The following HS3ST1 variants were observed in gnomAD, a reference collection of about 807,000 sequenced individuals.
HS3ST1 encodes heparan sulfate glucosamine 3-O-sulfotransferase 1.
A neutral mutation model predicts 20.7 loss-of-function variants in HS3ST1; 8 were observed. The observed-to-expected ratio is 0.39, with a 90% CI of 0.23 to 0.70. The LOEUF is 0.70. HS3ST1 is among the 30% of genes least tolerant of loss of function. The probability of loss-of-function intolerance (pLI) is 0.46; values close to 1 mark genes in which losing one functional copy is unlikely to be tolerated. For missense variants in HS3ST1, 436 were observed against 423.4 expected (o/e 1.03, Z -0.26); for synonymous variants, 205 against 190.4 (o/e 1.08, Z -0.63).
At chr4:11,422,784 T>G (rs1718970959) in intron 1 of HS3ST1, among the ~76,000 whole-genome samples, 1 of 151,950 alleles carries the variant, frequency 6.6e-6, no homozygotes, top group Non-Finnish European at 1.5e-5. Context: ...AATAAAAATG[T>G]CATTGCCAGA....
chr4:11,412,349 A>G (rs1718659216), intron 1 of HS3ST1, among the ~76,000 whole-genome samples: 1 of 152,190 alleles, frequency 6.6e-6, no homozygotes, highest in African/African-American at 2.4e-5. Flanking sequence ...TCAATCTAAA[A>G]CATGAATGCT....
chr4:11,410,378 G>A (rs1577441462), intron 1 of HS3ST1, among the ~76,000 whole-genome samples: 1 of 152,160 alleles, frequency 6.6e-6, no homozygotes, highest in South Asian at 2.1e-4. Context: ...GATCATGTTC[G>A]AACACAATCT....
At chr4:11,406,088 A>G (rs1718456183) in intron 1 of HS3ST1, among the ~76,000 whole-genome samples, 2 of 152,214 alleles carry the variant, frequency 1.3e-5, no homozygotes, top group South Asian at 4.1e-4. Flanking sequence ...ATCAAAGCAT[A>G]CAACCACAAT....
intron 1 of HS3ST1, among the ~76,000 whole-genome samples, chr4:11,409,072 G>A (rs1269835225): frequency 1.4e-4 from 22 of 152,184 alleles, no homozygotes; most frequent in Admixed American, 1.4e-3. Flanking sequence ...ACAAACTGAG[G>A]TAAGCAGAGA....
At chr4:11,408,376 C>T (rs984444625) in intron 1 of HS3ST1, among the ~76,000 whole-genome samples, 3 of 152,056 alleles carry the variant, frequency 2.0e-5, no homozygotes, top group Non-Finnish European at 4.4e-5. Flanking sequence ...TAAATGGGAT[C>T]CTGGGATGAT....
intron 1 of HS3ST1, among the ~76,000 whole-genome samples, chr4:11,422,597 G>T (rs1233670394): frequency 6.6e-6 from 1 of 152,126 alleles, no homozygotes; most frequent in African/African-American, 2.4e-5. Flanking sequence ...ATTCATCAAT[G>T]ACAAGAACTA....
chr4:11,398,532 A>C lies in HS3ST1; in HGVS notation c.*550T>G, dbSNP rs1718207982. 6.6e-6 allele frequency: 1 copy of C among 152,368 alleles called. No homozygotes were observed. The highest frequency in any genetic ancestry group is 1.5e-5 in the Non-Finnish European group (1 of 68,168). 9.4% of individuals were successfully genotyped at this position (152,368 alleles called of 1,614,324 possible). On this transcript the variant is annotated 3_prime_UTR_variant, in exon 2 of 2. Transcript: ENST00000002596. ...TGAAGTTTACACATGGGAATGAGTAAAACTGTGACCTCCAAAAATGACAAG... is the reference window on the plus strand; with the variant it reads ...TGAAGTTTACACATGGGAATGAGTACAACTGTGACCTCCAAAAATGACAAG...
chr4:11,401,937 AGAG>A (rs1296704984), intron 1 of HS3ST1, among the ~76,000 whole-genome samples: 1 of 152,212 alleles, frequency 6.6e-6, no homozygotes, highest in Non-Finnish European at 1.5e-5. Context: ...TATCCCCTAA[AGAG>A]GAGATTAGTT....
At chr4:11,406,494 T>A (rs987259742) in intron 1 of HS3ST1, among the ~76,000 whole-genome samples, 1 of 152,228 alleles carries the variant, frequency 6.6e-6, no homozygotes, top group Non-Finnish European at 1.5e-5. Flanking sequence ...TCAACAAATG[T>A]TAATGGCCTG....
At chr4:11,415,080 T>G (rs1345831563) in intron 1 of HS3ST1, among the ~76,000 whole-genome samples, 5 of 151,946 alleles carry the variant, frequency 3.3e-5, no homozygotes, top group African/African-American at 1.2e-4. Context: ...ATTAAGGAGG[T>G]TGGGATGAGG....
intron 1 of HS3ST1, among the ~76,000 whole-genome samples, chr4:11,404,068 A>G (rs1321911725): frequency 1.3e-5 from 2 of 152,164 alleles, no homozygotes; most frequent in Non-Finnish European, 2.9e-5. Flanking sequence ...TTTTTGAGAC[A>G]GAGTCTTCCT....
intron 1 of HS3ST1, among the ~76,000 whole-genome samples, chr4:11,420,540 C>A (rs766744599): frequency 2.0e-5 from 3 of 152,188 alleles, no homozygotes; most frequent in Admixed American, 6.5e-5. Context: ...CCTACAGTAA[C>A]GAGCTTGGAG....
chr4:11,427,503 G>A (rs796816471), intron 1 of HS3ST1, among the ~76,000 whole-genome samples: 24 of 152,330 alleles, frequency 1.6e-4, no homozygotes, highest in African/African-American at 5.5e-4. Context: ...ATTTGGAGTG[G>A]CCTCCCTAGA....
intron 1 of HS3ST1, among the ~76,000 whole-genome samples, chr4:11,422,324 G>C (rs899259636): frequency 6.6e-6 from 1 of 152,182 alleles, no homozygotes; most frequent in African/African-American, 2.4e-5. Flanking sequence ...GCAATACACT[G>C]TTCTAGAAAC....
At chr4:11,410,498 A>G (rs1718591620) in intron 1 of HS3ST1, among the ~76,000 whole-genome samples, 2 of 152,184 alleles carry the variant, frequency 1.3e-5, no homozygotes, top group Admixed American at 1.3e-4. Flanking sequence ...CTATGCTAAG[A>G]TATGCTGTGG....
Position 11,393,495 on chromosome 4 carries a change from G to C in HS3ST1, c.*5587C>G, listed in dbSNP as rs967207811. 2.0e-5 allele frequency: 3 copies of C among 148,584 alleles called. No homozygotes were observed. The highest frequency in any genetic ancestry group is 4.1e-4 in the South Asian group (2 of 4,826). The allele number at this position is 148,584 out of a possible 1,614,324, so 9.2% of individuals were successfully genotyped here. On this transcript the variant is annotated 3_prime_UTR_variant, in exon 2 of 2. Coordinates refer to ENST00000002596, the MANE Select transcript of HS3ST1 (RefSeq NM_005114.4). ...AGAGAGAAGAAAACATGCATGCAAG[G>C]TTAAGACTTTAGAGTGGATGGTCTA...
intron 1 of HS3ST1, among the ~76,000 whole-genome samples, chr4:11,426,004 A>G (rs543310366): frequency 1.3e-5 from 2 of 152,324 alleles, no homozygotes; most frequent in Admixed American, 6.5e-5. Context: ...ATTTCCCTGG[A>G]AGCTGCTAAA....
intron 1 of HS3ST1, among the ~76,000 whole-genome samples, chr4:11,414,409 G>C (rs1380116769): frequency 6.6e-6 from 1 of 152,102 alleles, no homozygotes; most frequent in Non-Finnish European, 1.5e-5. Flanking sequence ...AAGGTCATCA[G>C]CACATTAATG....
chr4:11,416,729 G>C (rs1464273164), intron 1 of HS3ST1, among the ~76,000 whole-genome samples: 1 of 152,180 alleles, frequency 6.6e-6, no homozygotes, highest in Non-Finnish European at 1.5e-5. Flanking sequence ...CAGGCCAGGT[G>C]ACCACACATC....
Sources: gnomAD v4.1 joint callset for allele counts (sites outside exome capture counted in the v4.1 genomes callset) on GRCh38, gnomAD v4.1.1 for gene constraint, MANE v1.5 for transcripts, NCBI Gene and HGNC (gene_info 2026-07-23, HGNC 2026-07-21) for gene names.